ARHGEF17: variants seen among roughly 807,000 people sequenced by gnomAD.
ARHGEF17 encodes 164 kDa Rho-specific guanine-nucleotide exchange factor.
ARHGEF17 carries 80 observed loss-of-function variants against 174.0 expected under a neutral mutation model. The observed-to-expected ratio is 0.46, with a 90% CI of 0.38 to 0.55. The LOEUF (loss-of-function observed/expected upper bound fraction) is 0.55. Ranked by LOEUF, ARHGEF17 falls within the 20% of genes least tolerant of loss-of-function variation. ARHGEF17 has a pLI of 0.00. For synonymous variants in ARHGEF17, 1,311 were observed against 1,189.1 expected (o/e 1.10, Z -2.11); for missense variants, 2,886 against 2,839.7 (o/e 1.02, Z -0.37).
intron 1 of ARHGEF17, among the ~76,000 whole-genome samples, chr11:73,322,337 A>G (rs1201009213): frequency 6.6e-6 from 1 of 152,210 alleles, no homozygotes; most frequent in Non-Finnish European, 1.5e-5. Context: ...AGGGCCTTTA[A>G]TGCCAGAACT....
intron 9 of ARHGEF17, among the ~76,000 whole-genome samples, chr11:73,358,454 T>TA (rs1491580050): frequency 1.5e-5 from 1 of 65,916 alleles, no homozygotes; most frequent in Non-Finnish European, 2.9e-5. Context: ...GGTCCGCCTC[T>TA]TTTTTTTTTT....
Position 73,309,441 on chromosome 11 carries a change from C to A in ARHGEF17, c.803C>A (p.Ala268Asp). Reference protein sequence around the residue: ...PPQLPGAQSPAYHGGHSSGSD... With the variant: ...PPQLPGAQSPDYHGGHSSGSD... ...CAGCTGCCTGGAGCCCAGAGTCCGG[C>A]CTACCACGGCGGCCACTCCTCGGGC... is the stretch of plus-strand genomic sequence containing the variant. The change falls in exon 1 of 21, where the codon GCC becomes GAC. Residue 268 changes from alanine to aspartate, a missense_variant. Ala to Asp is a moderately radical substitution (Grantham distance 126). Around this residue, in one of 4 missense-constraint regions of ARHGEF17, gnomAD observed 1,728 missense variants for 1,461.2 expected, o/e 1.18. Coordinates refer to ENST00000263674, the MANE Select transcript of ARHGEF17 (RefSeq NM_014786.4). 1 of 1,541,408 alleles carries A rather than the reference C, an allele frequency of 6.5e-7. No homozygotes were observed. The highest frequency in any genetic ancestry group is 1.2e-5 in the South Asian group (1 of 81,858).
At position 73,360,344 on chromosome 11, in the gene ARHGEF17, C is replaced by T. The variant is rs766541656; in HGVS notation, c.4231C>T (p.Leu1411Phe). 3 of 1,613,686 alleles carry T rather than the reference C, an allele frequency of 1.9e-6. No homozygotes were observed. Among genetic ancestry groups the T allele is most frequent in the Admixed American group, 3.3e-5 (2 of 60,016 alleles). Residue 1411 changes from leucine to phenylalanine, a missense_variant, in exon 11 of 21, where the codon CTC (leucine) becomes TTC (phenylalanine). Physicochemically the swap from Leu to Phe is conservative, Grantham distance 22. This residue lies in a region of ARHGEF17 where 476 missense variants were observed against 473.1 expected (regional missense o/e 1.01). Transcript: ENST00000263674. ...HQSLDDALRD[L>F]SAAMHRDLSE... ...GAGCCTGGACGATGCACTGCGGGAC[C>T]TCTCAGCTGCCATGCACCGGGACCT...
chr11:73,310,864 C>T lies in ARHGEF17; in HGVS notation c.2226C>T (p.His742=). ...TGAGTGACCCAATTCCTCAGCGCCA[C>T]CGGGCTGCCACCTCTGAAGAGCCTA... ...RSLSDPIPQR[H]RAATSEEPTG... is the part of the protein sequence containing the mutation. Residue 742 remains histidine (H), a synonymous_variant, in exon 1 of 21, where the codon CAC becomes CAT. Coordinates refer to ENST00000263674, the MANE Select transcript of ARHGEF17 (RefSeq NM_014786.4). 6.2e-7 allele frequency: 1 copy of T among 1,612,210 alleles called. No individual in the cohort carries two copies. The highest frequency in any genetic ancestry group is 8.5e-7 in the Non-Finnish European group (1 of 1,179,194).
At chr11:73,363,071 C>T (rs923312517) in intron 14 of ARHGEF17, 135 bp from the exon 15 acceptor site, 57 of 1,251,320 alleles carry the variant, frequency 4.6e-5, no homozygotes, top group South Asian at 1.9e-4. Flanking sequence ...GGCAGCAGAC[C>T]GGAGCAGGCC....
chr11:73,309,657 G>A lies in ARHGEF17; in HGVS notation c.1019G>A (p.Gly340Glu). Residue 340 changes from glycine to glutamate, a missense_variant, in exon 1 of 21, where the codon GGA becomes GAA. Gly to Glu is a moderately conservative substitution (Grantham distance 98, BLOSUM62 -2). Transcript: ENST00000263674. Reference protein sequence around the residue: ...PTSPRAPREEGLREWGSGSPP... With the variant: ...PTSPRAPREEELREWGSGSPP... The stretch of plus-strand genomic sequence containing the variant: ...TCTCCAAGAGCCCCTAGAGAAGAAG[G>A]ACTCCGGGAGTGGGGTAGTGGCTCT... 6.2e-7 allele frequency: 1 copy of A among 1,613,112 alleles called. No individual in the cohort carries two copies. The highest frequency in any genetic ancestry group is 8.5e-7 in the Non-Finnish European group (1 of 1,180,024).
intron 12 of ARHGEF17, 109 bp downstream of exon 12, chr11:73,361,270 T>C (rs1865733639): frequency 2.0e-6 from 2 of 1,013,324 alleles, no homozygotes; most frequent in Non-Finnish European, 3.0e-6. Context: ...TATTGCTCCT[T>C]ATGTCTTGGA....
At position 73,310,315 on chromosome 11, in the gene ARHGEF17, C is replaced by T. The variant is rs1864797231; in HGVS notation, c.1677C>T (p.Pro559=). 6.2e-7 allele frequency: 1 copy of T among 1,613,700 alleles called. No homozygotes were observed. Among genetic ancestry groups the T allele is most frequent in the South Asian group, 1.1e-5 (1 of 91,096 alleles). The change falls in exon 1 of 21, where the codon CCC becomes CCT. Residue 559 remains proline, a synonymous_variant. Transcript: ENST00000263674. ...CSEKPMARRL[P]RTSALKSSSS... ...AGAAGCCCATGGCCCGCCGCCTGCC[C>T]CGCACCAGTGCTCTGAAGTCCAGCT...
In ARHGEF17 at chr11:73,357,087, C is replaced by A. The variant is rs373927165; in HGVS notation, c.3954C>A (p.Thr1318=). 2 of 1,614,086 alleles carry A rather than the reference C, an allele frequency of 1.2e-6. No homozygotes were observed. Among genetic ancestry groups the A allele is most frequent in the Non-Finnish European group, 1.7e-6 (2 of 1,180,052 alleles). Residue 1318 remains threonine (T), a synonymous_variant, in exon 8 of 21, where the codon ACC becomes ACA. Coordinates refer to ENST00000263674, the MANE Select transcript of ARHGEF17 (RefSeq NM_014786.4). ...LFLFTDLIVC[T]TLKRKSGSLR... The stretch of plus-strand genomic sequence containing the variant: ...TGTTCACGGACCTCATCGTCTGCAC[C>A]ACTCTGAAGCGAAAGTCAGGCTCCC...
At chr11:73,331,047 T>C (rs1020230027) in intron 1 of ARHGEF17, among the ~76,000 whole-genome samples, 1 of 152,164 alleles carries the variant, frequency 6.6e-6, no homozygotes, top group African/African-American at 2.4e-5. Flanking sequence ...TTACCATTCT[T>C]GGGGATCCTC....
intron 1 of ARHGEF17, among the ~76,000 whole-genome samples, chr11:73,345,332 G>A (rs999584019): frequency 5.3e-5 from 8 of 152,080 alleles, no homozygotes; most frequent in African/African-American, 1.9e-4. Flanking sequence ...GATGGGGAGA[G>A]CCAGCCCCCC....
At chr11:73,364,412 G>A (rs1400598500) in intron 17 of ARHGEF17, 40 bp from the exon 18 acceptor site, 1 of 1,612,466 alleles carries the variant, frequency 6.2e-7, no homozygotes, top group African/African-American at 1.3e-5. Context: ...CTCAAATTTA[G>A]AACTGGAGTG....
intron 1 of ARHGEF17, among the ~76,000 whole-genome samples, chr11:73,336,922 C>G (rs567217324): frequency 6.6e-6 from 1 of 152,342 alleles, no homozygotes. Flanking sequence ...GCCTGGGCTT[C>G]CCCACAACGT....
chr11:73,355,488 G>A (rs1434814417), intron 3 of ARHGEF17, 45 bp from the exon 4 acceptor site: 3 of 1,338,686 alleles, frequency 2.2e-6, no homozygotes, highest in Non-Finnish European at 3.2e-6. Flanking sequence ...GTGAGGTGGG[G>A]TGAGGGACAC....
chr11:73,367,024 A>C (rs936577921), intron 20 of ARHGEF17, among the ~76,000 whole-genome samples: 5 of 152,240 alleles, frequency 3.3e-5, no homozygotes, highest in Non-Finnish European at 7.3e-5. Flanking sequence ...CCCAGGCAAC[A>C]AGAGCAAAAT....
rs1591760055 is a variant in ARHGEF17, at chr11:73,359,957, G to A, written c.4206+5G>A. ...AGCCTTGGTTTCCCCCACCAGGTCT[G>A]TGCCCTCTGCCTGACACTGGGGAGC... is the stretch of plus-strand genomic sequence containing the variant. On this transcript the variant is annotated splice_donor_5th_base_variant and intron_variant, in intron 10 of 20. Coordinates refer to ENST00000263674, the MANE Select transcript of ARHGEF17 (RefSeq NM_014786.4). 4 of 1,600,930 alleles carry A rather than the reference G, an allele frequency of 2.5e-6. No individual in the cohort carries two copies. In the East Asian group the frequency reaches 8.9e-5, roughly 36 times the overall value.
chr11:73,343,886 C>G (rs1299012234), intron 1 of ARHGEF17, among the ~76,000 whole-genome samples: 1 of 152,198 alleles, frequency 6.6e-6, no homozygotes, highest in Non-Finnish European at 1.5e-5. Context: ...TCCACAGCCT[C>G]AAGTCTCTGA....
rs992667688 is a variant in ARHGEF17, at chr11:73,309,757, C to T, written c.1119C>T (p.Ala373=). The change falls in exon 1 of 21, where the codon GCC becomes GCT. Residue 373 remains alanine, a synonymous_variant. Transcript: ENST00000263674. ...CTGTGGGAGGAGCTTTCCGTGTGGC[C>T]AAGGTGAGCTTTCCCTCGTACCTGG... The part of the protein sequence containing the change: ...SDSVGGAFRV[A]KVSFPSYLAS... The T allele has an allele frequency of 2.0e-5, 33 of 1,612,750 alleles. No individual in the cohort carries two copies. The highest frequency in any genetic ancestry group is 2.5e-5 in the Non-Finnish European group (30 of 1,179,862).
At position 73,367,813 on chromosome 11, in the gene ARHGEF17, C is replaced by T; in HGVS notation, c.*33C>T. Reference sequence around the variant, plus strand: ...TGCCGTGGCCCAGGACTCGCCCGCCCACCTGCCTTCAGCCTGCTTGCCTCT... The same window carrying T: ...TGCCGTGGCCCAGGACTCGCCCGCCTACCTGCCTTCAGCCTGCTTGCCTCT... On this transcript the variant is annotated 3_prime_UTR_variant, in exon 21 of 21. Transcript: ENST00000263674. 6.3e-7 allele frequency: 1 copy of T among 1,578,004 alleles called. No individual in the cohort carries two copies. The highest frequency in any genetic ancestry group is 1.3e-5 in the African/African-American group (1 of 74,592).
Sources: allele counts gnomAD v4.1 joint callset (sites outside exome capture counted in the v4.1 genomes callset), GRCh38; gene constraint gnomAD v4.1.1; regional missense constraint gnomAD v4.1.1; transcripts MANE v1.5; gene names NCBI Gene and HGNC (gene_info 2026-07-23, HGNC 2026-07-21).